The following TFCP2L1 variants were observed in gnomAD, a reference collection of about 807,000 sequenced individuals.
The protein encoded by TFCP2L1 is transcription factor CP2 like 1, also known as transcription factor CP2-like protein 1.
Under a neutral mutation model 72.2 loss-of-function variants are expected in TFCP2L1, and 12 were observed. The observed-to-expected ratio is 0.17, with a 90% CI of 0.11 to 0.27. TFCP2L1 has a LOEUF of 0.27. Ranked by LOEUF, TFCP2L1 falls within the 10% of genes least tolerant of loss-of-function variation. The probability of loss-of-function intolerance (pLI) is 1.00; values close to 1 mark genes in which losing one functional copy is unlikely to be tolerated. For synonymous variants in TFCP2L1, 260 were observed against 251.0 expected (o/e 1.04, Z -0.34); for missense variants, 488 against 624.6 (o/e 0.78, Z 2.33).
intron 2 of TFCP2L1, among the ~76,000 whole-genome samples, chr2:121,272,399 T>G (rs1687063733): frequency 6.6e-6 from 1 of 152,216 alleles, no homozygotes; most frequent in Non-Finnish European, 1.5e-5. Flanking sequence ...AGGAGTTCAG[T>G]GCTTTTTGTG....
chr2:121,260,689 C>T (rs1298075389), intron 2 of TFCP2L1, among the ~76,000 whole-genome samples: 1 of 152,214 alleles, frequency 6.6e-6, no homozygotes, highest in East Asian at 1.9e-4. Context: ...TCTGCTGCTG[C>T]AACCACAGCA....
At chr2:121,253,229 T>C (rs1262029998) in intron 2 of TFCP2L1, among the ~76,000 whole-genome samples, 2 of 152,220 alleles carry the variant, frequency 1.3e-5, no homozygotes, top group African/African-American at 2.4e-5. Flanking sequence ...TTCTTGACCA[T>C]GCCAAACCCC....
intron 2 of TFCP2L1, among the ~76,000 whole-genome samples, chr2:121,280,905 T>C (rs950919777): frequency 6.6e-6 from 1 of 151,842 alleles, no homozygotes; most frequent in African/African-American, 2.4e-5. Context: ...CCGCGTGAGG[T>C]ATCTGATGTT....
At chr2:121,227,424 G>A (rs1275225959) in intron 13 of TFCP2L1, among the ~76,000 whole-genome samples, 1 of 152,218 alleles carries the variant, frequency 6.6e-6, no homozygotes, top group Non-Finnish European at 1.5e-5. Context: ...GCTCACGCCT[G>A]TAATCCCAGG....
At chr2:121,228,211 C>G (rs993554852) in intron 13 of TFCP2L1, among the ~76,000 whole-genome samples, 3 of 152,238 alleles carry the variant, frequency 2.0e-5, no homozygotes, top group Non-Finnish European at 4.4e-5. Flanking sequence ...ACTGCCTACT[C>G]TTGAGCACAC....
At chr2:121,249,933 G>A (rs1026121958) in intron 2 of TFCP2L1, among the ~76,000 whole-genome samples, 2 of 152,240 alleles carry the variant, frequency 1.3e-5, no homozygotes, top group African/African-American at 4.8e-5. Context: ...GGAAAATACA[G>A]TTAGCATTAA....
At chr2:121,276,165 C>T (rs1573397951) in intron 2 of TFCP2L1, among the ~76,000 whole-genome samples, 1 of 152,256 alleles carries the variant, frequency 6.6e-6, no homozygotes, top group East Asian at 1.9e-4. Flanking sequence ...TTGCTGCACC[C>T]ATCAACCCGT....
intron 14 of TFCP2L1, among the ~76,000 whole-genome samples, chr2:121,225,254 CAG>C (rs1158343193): frequency 6.6e-6 from 1 of 152,148 alleles, no homozygotes; most frequent in Non-Finnish European, 1.5e-5. Context: ...ACGCTACCTG[CAG>C]ACTCAGTGGC....
intron 2 of TFCP2L1, among the ~76,000 whole-genome samples, chr2:121,270,877 CTT>C (rs35234824): frequency 2.7e-4 from 37 of 136,762 alleles, no homozygotes; most frequent in Non-Finnish European, 3.0e-4. Flanking sequence ...TCTAAACACA[CTT>C]TTTTTTTTTT....
In TFCP2L1 at chr2:121,218,198, GCAAA is replaced by G. The variant is rs1685867886; in HGVS notation, c.*6139_*6142del. The G allele has an allele frequency of 6.6e-6, 1 of 152,082 alleles. No homozygotes were observed. Among genetic ancestry groups the G allele is most frequent in the African/African-American group, 2.4e-5 (1 of 41,394 alleles). The allele number at this position is 152,082 out of a possible 1,614,324, so 9.4% of individuals were successfully genotyped here. On this transcript the variant is annotated 3_prime_UTR_variant, in exon 15 of 15. Coordinates refer to ENST00000263707, the MANE Select transcript of TFCP2L1 (RefSeq NM_014553.3). Reference sequence around the variant, plus strand: ...AAATCAATATTATGTTGGCGTAAGAGCAAACAAATTTCCACAATTTTTAAATTGA... The same window carrying G: ...AAATCAATATTATGTTGGCGTAAGAGCAAATTTCCACAATTTTTAAATTGA...
chr2:121,240,084 A>G (rs1250054157), intron 7 of TFCP2L1: 3 of 985,312 alleles, frequency 3.0e-6, no homozygotes, highest in Non-Finnish European at 3.6e-6. Context: ...ATAAGCAGTA[A>G]GAGTCAGTAT....
intron 10 of TFCP2L1, 83 bp downstream of exon 10, chr2:121,237,540 T>G: frequency 6.7e-7 from 1 of 1,490,980 alleles, no homozygotes; most frequent in Non-Finnish European, 9.3e-7. Context: ...CTGCCAGTGT[T>G]GACAGCAAGG....
In TFCP2L1 at chr2:121,234,113, G is replaced by A. The variant is rs1443676298; in HGVS notation, c.1176C>T (p.Gly392=). The A allele has an allele frequency of 6.2e-7, 1 of 1,613,750 alleles. No homozygotes were observed. Residue 392 remains glycine, a synonymous_variant, in exon 12 of 15, where the codon GGC becomes GGT. Coordinates refer to ENST00000263707, the MANE Select transcript of TFCP2L1 (RefSeq NM_014553.3). ...NRVPLQQKRD[G]SGDSNLSVYH... The stretch of plus-strand genomic sequence containing the variant: ...CACCAGACAGGTTGCTGTCTCCACT[G>A]CCGTCCCGCTTCTGCTGCAGGGGCA...
intron 6 of TFCP2L1, among the ~76,000 whole-genome samples, chr2:121,245,054 G>C (rs1216085761): frequency 6.6e-6 from 1 of 152,218 alleles, no homozygotes; most frequent in Non-Finnish European, 1.5e-5. Flanking sequence ...GGGGAATGGA[G>C]GTTTCAGATG....
chr2:121,265,057 A>G (rs1224182228), intron 2 of TFCP2L1, among the ~76,000 whole-genome samples: 3 of 152,232 alleles, frequency 2.0e-5, no homozygotes, highest in Non-Finnish European at 4.4e-5. Context: ...CACAATAGCC[A>G]AAAAGTAGAA....
At chr2:121,239,175 C>T (rs1686311057) in intron 8 of TFCP2L1, among the ~76,000 whole-genome samples, 1 of 152,142 alleles carries the variant, frequency 6.6e-6, no homozygotes, top group African/African-American at 2.4e-5. Flanking sequence ...CAGACCCTCT[C>T]ACCCCCACAC....
intron 2 of TFCP2L1, among the ~76,000 whole-genome samples, chr2:121,257,555 CT>C (rs1347036870): frequency 1.3e-5 from 2 of 152,228 alleles, no homozygotes; most frequent in African/African-American, 4.8e-5. Context: ...TACACAAGTG[CT>C]CAACTAAACT....
At chr2:121,248,069 C>T (rs1686525515) in intron 5 of TFCP2L1, 95 bp downstream of exon 5, 3 of 1,007,294 alleles carry the variant, frequency 3.0e-6, no homozygotes, top group East Asian at 2.6e-5. Flanking sequence ...AGAAGCTCAT[C>T]CAGACCCTCC....
At chr2:121,263,616 A>T (rs1686870284) in intron 2 of TFCP2L1, among the ~76,000 whole-genome samples, 1 of 152,236 alleles carries the variant, frequency 6.6e-6, no homozygotes, top group Non-Finnish European at 1.5e-5. Flanking sequence ...CAAAATGTTG[A>T]CAATGCCAAG....
Sources: allele counts gnomAD v4.1 joint callset (sites outside exome capture counted in the v4.1 genomes callset), GRCh38; gene constraint gnomAD v4.1.1; transcripts MANE v1.5; gene names NCBI Gene and HGNC (gene_info 2026-07-23, HGNC 2026-07-21).